Variants in MYZAP observed in about 807,000 individuals in gnomAD.
MYZAP encodes myocardial zonula adherens protein.
A neutral mutation model predicts 69.4 loss-of-function variants in MYZAP; 66 were observed. The ratio of observed to expected loss-of-function variants is 0.95; its 90% CI spans 0.78 to 1.17. MYZAP has a LOEUF of 1.17. Among genes scored for constraint, MYZAP ranks in the 50% most tolerant of loss-of-function variants. MYZAP has a pLI of 0.00. For synonymous variants in MYZAP, 256 were observed against 205.9 expected (o/e 1.24, Z -2.09); for missense variants, 611 against 556.2 (o/e 1.10, Z -0.99).
chr15:57,670,481 A>G (rs2038817285), intron 11 of MYZAP, among the ~76,000 whole-genome samples: 1 of 152,196 alleles, frequency 6.6e-6, no homozygotes, highest in Non-Finnish European at 1.5e-5. Flanking sequence ...ATATCTCTGT[A>G]TTTAAAGTAC....
intron 1 of MYZAP, 22 bp downstream of exon 1, chr15:57,592,131 C>T: frequency 4.7e-6 from 6 of 1,290,160 alleles, no homozygotes; most frequent in Non-Finnish European, 4.9e-6. Flanking sequence ...GGGCGGGAGC[C>T]GCCGCCGTCC....
chr15:57,597,149 C>G (rs116526205), intron 1 of MYZAP, among the ~76,000 whole-genome samples: 1 of 152,158 alleles, frequency 6.6e-6, no homozygotes, highest in Non-Finnish European at 1.5e-5. Flanking sequence ...GGAATGCTGG[C>G]CCAGGTGAGG....
At chr15:57,625,990 C>A (rs1300948707) in intron 5 of MYZAP, 98 bp downstream of exon 5, 2 of 1,058,320 alleles carry the variant, frequency 1.9e-6, no homozygotes, top group Non-Finnish European at 2.9e-6. Context: ...ATCCTTAGCT[C>A]ATGATTCAGA....
At chr15:57,662,302 T>G (rs2038351169) in intron 11 of MYZAP, among the ~76,000 whole-genome samples, 1 of 152,216 alleles carries the variant, frequency 6.6e-6, no homozygotes, top group South Asian at 2.1e-4. Context: ...CCTGTCCTTA[T>G]CTGTGTTCCT....
chr15:57,605,462 C>G (rs886845232), intron 2 of MYZAP, among the ~76,000 whole-genome samples: 3 of 152,256 alleles, frequency 2.0e-5, no homozygotes, highest in African/African-American at 7.2e-5. Context: ...GAGTTAACCA[C>G]TAATGTGGTC....
At chr15:57,597,002 A>T (rs1279155654) in intron 1 of MYZAP, among the ~76,000 whole-genome samples, 3 of 152,186 alleles carry the variant, frequency 2.0e-5, no homozygotes, top group Non-Finnish European at 4.4e-5. Context: ...TAAAAACAGA[A>T]ATCTCACCAG....
At chr15:57,667,134 C>A (rs1449034886) in intron 11 of MYZAP, among the ~76,000 whole-genome samples, 1 of 152,148 alleles carries the variant, frequency 6.6e-6, no homozygotes, top group African/African-American at 2.4e-5. Context: ...TTGTGTAGCA[C>A]CTGAGCCTCT....
At chr15:57,661,316 C>A in intron 10 of MYZAP, 134 bp from the exon 11 acceptor site, 1 of 709,594 alleles carries the variant, frequency 1.4e-6, no homozygotes, top group Non-Finnish European at 2.4e-6. Context: ...ACCATCCAGC[C>A]CCACTGGAAA....
Position 57,637,733 on chromosome 15 carries a change from A to G in MYZAP, c.972A>G (p.Glu324=), listed in dbSNP as rs760830089. ...TGCAACTTCAACTCCTAGAACATGA[A>G]ACAGAAATGTCTGGGGAGTTAACTG... The part of the protein sequence containing the change: ...HQLQLQLLEH[E]TEMSGELTDS... The change falls in exon 9 of 13, where the codon GAA becomes GAG. Residue 324 remains glutamate (E), a synonymous_variant. Transcript: ENST00000267853. 1.9e-6 allele frequency: 3 copies of G among 1,613,128 alleles called. No individual in the cohort carries two copies. The South Asian group carries it at 3.3e-5, about 18-fold the overall frequency.
At chr15:57,676,810 G>A (rs533498343) in intron 12 of MYZAP, among the ~76,000 whole-genome samples, 30 of 152,056 alleles carry the variant, frequency 2.0e-4, no homozygotes, top group South Asian at 2.1e-4. Flanking sequence ...ACCACAAAGC[G>A]GTTTTCATAA....
At chr15:57,674,795 A>G (rs1185283263) in intron 11 of MYZAP, among the ~76,000 whole-genome samples, 173 bp from the exon 12 acceptor site, 1 of 152,374 alleles carries the variant, frequency 6.6e-6, no homozygotes, top group Non-Finnish European at 1.5e-5. Flanking sequence ...ATTTGTATGC[A>G]TTCAGTCAAT....
chr15:57,664,351 A>G (rs2038466320), intron 11 of MYZAP, among the ~76,000 whole-genome samples: 1 of 152,150 alleles, frequency 6.6e-6, no homozygotes, highest in Non-Finnish European at 1.5e-5. Context: ...CTTTATCAAT[A>G]TTTCATCATA....
At chr15:57,665,228 C>A (rs879757650) in intron 11 of MYZAP, among the ~76,000 whole-genome samples, 2 of 152,234 alleles carry the variant, frequency 1.3e-5, no homozygotes, top group Admixed American at 1.3e-4. Context: ...GCCCAGCAGT[C>A]CTTTGCCTGC....
chr15:57,619,473 C>T (rs1244340219), intron 3 of MYZAP, among the ~76,000 whole-genome samples: 2 of 152,152 alleles, frequency 1.3e-5, no homozygotes, highest in African/African-American at 4.8e-5. Flanking sequence ...ACTTCCCCAC[C>T]CTCAAGTGAT....
At chr15:57,619,362 T>C (rs1459793064) in intron 3 of MYZAP, among the ~76,000 whole-genome samples, 2 of 152,202 alleles carry the variant, frequency 1.3e-5, no homozygotes, top group Non-Finnish European at 2.9e-5. Context: ...TATTTTATTG[T>C]ATATTTTCGA....
At chr15:57,626,712 C>T (rs1449618462) in intron 5 of MYZAP, among the ~76,000 whole-genome samples, 3 of 152,312 alleles carry the variant, frequency 2.0e-5, no homozygotes, top group Non-Finnish European at 4.4e-5. Flanking sequence ...CAAATCCTTT[C>T]TGGTTCTATA....
In MYZAP at chr15:57,604,299, C is replaced by T. The variant is rs775386543; in HGVS notation, c.106C>T (p.Pro36Ser). 4 of 1,614,212 alleles carry T rather than the reference C, an allele frequency of 2.5e-6. No homozygotes were observed. The highest frequency in any genetic ancestry group is 2.2e-5 in the East Asian group (1 of 44,886). ...TGTTTGCAGACTACGGCTGACCGTA[C>T]CTCCTGAGAGTCCAGTTCCTGAGCA... ...ANVCRLRLTV[P>S]PESPVPEQCE... Residue 36 changes from proline (P) to serine (S), a missense_variant, in exon 2 of 13, where the codon CCT becomes TCT. Coordinates refer to ENST00000267853, the MANE Select transcript of MYZAP (RefSeq NM_001018100.5).
chr15:57,604,460 C>T (rs2453091), intron 2 of MYZAP, 105 bp downstream of exon 2: 1 of 1,251,606 alleles, frequency 8.0e-7, no homozygotes, highest in Non-Finnish European at 1.1e-6. Flanking sequence ...GGTGTCTGCA[C>T]CTCTGTTGAG....
chr15:57,653,460 CAAT>C (rs1490343540), intron 10 of MYZAP, among the ~76,000 whole-genome samples: 2 of 151,998 alleles, frequency 1.3e-5, no homozygotes, highest in East Asian at 1.9e-4. Flanking sequence ...ATAAAATAAA[CAAT>C]AATGTCAAAT....
Sources: gnomAD v4.1 joint callset for allele counts (sites outside exome capture counted in the v4.1 genomes callset) on GRCh38, gnomAD v4.1.1 for gene constraint, MANE v1.5 for transcripts, NCBI Gene and HGNC (gene_info 2026-07-23, HGNC 2026-07-21) for gene names.